RAPGEF2: variants seen among roughly 807,000 people sequenced by gnomAD.
RAPGEF2 encodes Rap guanine nucleotide exchange factor 2.
RAPGEF2 carries 54 observed loss-of-function variants against 186.7 expected under a neutral mutation model. The ratio of observed to expected loss-of-function variants is 0.29; its 90% CI spans 0.23 to 0.36. The LOEUF (loss-of-function observed/expected upper bound fraction) is 0.36, where lower values mean the gene tolerates loss of function less well. Among genes scored for constraint, RAPGEF2 ranks in the 10% least tolerant of loss-of-function variants. The pLI is 1.00. For synonymous variants in RAPGEF2, 712 were observed against 705.9 expected (o/e 1.01, Z -0.14); for missense variants, 1,532 against 2,045.0 (o/e 0.75, Z 4.84).
chr4:159,207,017 T>G lies in RAPGEF2; in HGVS notation c.198-3483T>G, dbSNP rs1345363571. Among the ~76,000 whole-genome samples the G allele has an allele frequency of 2.0e-5, 3 of 152,344 alleles. No individual in the cohort carries two copies. The East Asian group carries it at 5.8e-4, about 29-fold the overall frequency. On this transcript the variant is annotated intron_variant, in intron 3 of 29. Transcript: ENST00000691494. ...CTTAGAAGGGATAGCTCAAAGAAAT[T>G]TTGCTTATCATATGTGGCCTGGCAT...
At chr4:159,309,274 GA>G (rs1317666030) in intron 8 of RAPGEF2, among the ~76,000 whole-genome samples, 2 of 152,088 alleles carry the variant, frequency 1.3e-5, no homozygotes, top group African/African-American at 4.8e-5. Context: ...CCTCCATTTT[GA>G]TTCCTTTCCT....
At chr4:159,157,681 A>C (rs1744275972) in intron 1 of RAPGEF2, among the ~76,000 whole-genome samples, 1 of 152,240 alleles carries the variant, frequency 6.6e-6, no homozygotes, top group African/African-American at 2.4e-5. Context: ...TTCAGGGGGA[A>C]GGGGAAACCT....
chr4:159,268,433 A>AT (rs1360562874), intron 7 of RAPGEF2, among the ~76,000 whole-genome samples: 1 of 152,146 alleles, frequency 6.6e-6, no homozygotes, highest in African/African-American at 2.4e-5. Flanking sequence ...TTAAAGCAAA[A>AT]TCACTAATAC....
At chr4:159,178,818 C>A (rs1746730232) in intron 1 of RAPGEF2, among the ~76,000 whole-genome samples, 1 of 152,106 alleles carries the variant, frequency 6.6e-6, no homozygotes, top group Non-Finnish European at 1.5e-5. Flanking sequence ...CTCGGCTTCC[C>A]AAAGTGCTGG....
chr4:159,286,943 C>G lies in RAPGEF2; in HGVS notation c.544-17399C>G, dbSNP rs749276523. 6.6e-5 allele frequency among the ~76,000 whole-genome samples: 10 copies of G among 152,138 alleles called. 1 individual carries two copies. The highest frequency in any genetic ancestry group is 1.3e-4 in the Non-Finnish European group (9 of 68,042). The stretch of plus-strand genomic sequence containing the variant: ...AGCTTCGTGAGAGTATGTACCTCAT[C>G]TATTCAGTTCATCACTCTGTCTGTA... On this transcript the variant is annotated intron_variant, in intron 7 of 29. Transcript: ENST00000691494.
chr4:159,227,595 A>C (rs1752178023), intron 4 of RAPGEF2, among the ~76,000 whole-genome samples: 1 of 152,160 alleles, frequency 6.6e-6, no homozygotes. Flanking sequence ...GACTGATAGC[A>C]GCAGATTAAT....
chr4:159,262,282 A>T (rs978661615), intron 7 of RAPGEF2, among the ~76,000 whole-genome samples: 3 of 152,220 alleles, frequency 2.0e-5, no homozygotes, highest in African/African-American at 7.2e-5. Context: ...AAACAGAGGG[A>T]TAATTAACAG....
chr4:159,151,311 G>A (rs937246390), intron 1 of RAPGEF2, among the ~76,000 whole-genome samples: 1 of 152,186 alleles, frequency 6.6e-6, no homozygotes, highest in African/African-American at 2.4e-5. Flanking sequence ...AGGAGTCCAG[G>A]TCAGTTTGGT....
intron 7 of RAPGEF2, among the ~76,000 whole-genome samples, chr4:159,288,882 T>G (rs1760835633): frequency 6.6e-6 from 1 of 152,160 alleles, no homozygotes; most frequent in African/African-American, 2.4e-5. Flanking sequence ...CTTCCACATC[T>G]TTGGCTGGAT....
chr4:159,289,468 G>A (rs1283665879), intron 7 of RAPGEF2, among the ~76,000 whole-genome samples: 1 of 152,134 alleles, frequency 6.6e-6, no homozygotes, highest in Non-Finnish European at 1.5e-5. Flanking sequence ...TATAATTGCT[G>A]ATGGAAGGGG....
At position 159,199,594 on chromosome 4, in the gene RAPGEF2, G is replaced by A. The variant is rs976023893; in HGVS notation, c.197+6338G>A. 4.6e-5 allele frequency among the ~76,000 whole-genome samples: 7 copies of A among 152,050 alleles called. No homozygotes were observed. In the East Asian group the frequency reaches 5.8e-4, roughly 13 times the overall value. On this transcript the variant is annotated intron_variant, in intron 3 of 29. Coordinates refer to ENST00000691494, the MANE Select transcript of RAPGEF2 (RefSeq NM_001394067.2). ...CACATCATCAGGTGTTGGATTCTTC[G>A]TATCAATTTTCTGTGAAACTGCTTA...
At chr4:159,109,162 A>G (rs1447508459) in intron 1 of RAPGEF2, among the ~76,000 whole-genome samples, 3 of 152,204 alleles carry the variant, frequency 2.0e-5, no homozygotes, top group Non-Finnish European at 4.4e-5. Flanking sequence ...AAACTTAATG[A>G]GAAAAAAAGT....
intron 7 of RAPGEF2, among the ~76,000 whole-genome samples, chr4:159,286,212 T>C (rs1232937120): frequency 1.3e-5 from 2 of 152,140 alleles, no homozygotes; most frequent in African/African-American, 4.8e-5. Context: ...GGATTATCTT[T>C]GGTTCCTCAG....
At position 159,356,053 on chromosome 4, in the gene RAPGEF2, C is replaced by T; in HGVS notation, c.4852C>T (p.Pro1618Ser). 1 of 1,614,166 alleles carries T rather than the reference C, an allele frequency of 6.2e-7. No individual in the cohort carries two copies. ...ATCCGTACAGCAGCCACATGGGCAT[C>T]CCACCAGCAGCAGGCCTGTGAACAA... is the stretch of plus-strand genomic sequence containing the variant. ...PSSVQQPHGH[P>S]TSSRPVNKPQ... Residue 1618 changes from proline (P) to serine (S), a missense_variant, in exon 29 of 30, where the codon CCC (proline) becomes TCC (serine). By Grantham distance (74) the Pro-to-Ser change is moderately conservative. Coordinates refer to ENST00000691494, the MANE Select transcript of RAPGEF2 (RefSeq NM_001394067.2).
At chr4:159,211,324 G>C (rs1374019960) in intron 4 of RAPGEF2, among the ~76,000 whole-genome samples, 2 of 152,140 alleles carry the variant, frequency 1.3e-5, no homozygotes, top group Non-Finnish European at 2.9e-5. Flanking sequence ...GGTTCCCCAA[G>C]GGTGTCAGCT....
rs80304512 is a variant in RAPGEF2, at chr4:159,342,254, C to T, written c.2918+307C>T. Among the ~76,000 whole-genome samples the T allele has an allele frequency of 2.6e-3, 402 of 152,120 alleles. 1 individual carries two copies. Among genetic ancestry groups the T allele is most frequent in the African/African-American group, 8.4e-3 (348 of 41,508 alleles). On this transcript the variant is annotated intron_variant, in intron 20 of 29. Transcript: ENST00000691494. Reference sequence around the variant, plus strand: ...CACTTTTTTTTTAAGTTTGTTTCAACTTTTCTCAATATCAGTTTATTTTTC... The same window carrying T: ...CACTTTTTTTTTAAGTTTGTTTCAATTTTTCTCAATATCAGTTTATTTTTC...
chr4:159,241,487 CATTA>C, intron 6 of RAPGEF2, 119 bp downstream of exon 6: 1 of 365,044 alleles, frequency 2.7e-6, no homozygotes, highest in Non-Finnish European at 4.6e-6. Flanking sequence ...TATACACACA[CATTA>C]AGTATACTTA....
At chr4:159,279,009 C>T (rs1219608131) in intron 7 of RAPGEF2, among the ~76,000 whole-genome samples, 1 of 152,118 alleles carries the variant, frequency 6.6e-6, no homozygotes, top group East Asian at 1.9e-4. Flanking sequence ...GTTGGTTTGC[C>T]TTTTCCATCC....
At chr4:159,185,103 G>C (rs1747423784) in intron 1 of RAPGEF2, among the ~76,000 whole-genome samples, 1 of 151,998 alleles carries the variant, frequency 6.6e-6, no homozygotes, top group Non-Finnish European at 1.5e-5. Context: ...TAATCATTGG[G>C]GAAATGCAAG....
Sources: gnomAD v4.1 joint callset for allele counts (sites outside exome capture counted in the v4.1 genomes callset) on GRCh38, gnomAD v4.1.1 for gene constraint, MANE v1.5 for transcripts, NCBI Gene and HGNC (gene_info 2026-07-23, HGNC 2026-07-21) for gene names.